The following ASTN2 variants were observed in gnomAD, a reference collection of about 807,000 sequenced individuals.
ASTN2 encodes the protein astrotactin-2.
In ASTN2, 54 loss-of-function variants were observed where a neutral mutation model predicts 139.8. The observed-to-expected ratio is 0.39, with a 90% CI of 0.31 to 0.48. The LOEUF is 0.48. Among genes scored for constraint, ASTN2 ranks in the 20% least tolerant of loss-of-function variants. The pLI is 0.95. For missense variants in ASTN2, 1,565 were observed against 1,725.1 expected (o/e 0.91, Z 1.64); for synonymous variants, 756 against 719.5 (o/e 1.05, Z -0.81).
intron 19 of ASTN2, among the ~76,000 whole-genome samples, chr9:116,537,293 A>C (rs77149201): frequency 6.6e-6 from 1 of 152,106 alleles, no homozygotes; most frequent in African/African-American, 2.4e-5. Flanking sequence ...AAATTTCTAT[A>C]ATTTTTTTCT....
chr9:117,128,163 A>G (rs1318830224), intron 4 of ASTN2, among the ~76,000 whole-genome samples: 1 of 151,996 alleles, frequency 6.6e-6, no homozygotes, highest in African/African-American at 2.4e-5. Context: ...AGTCCATCAG[A>G]AATCAGGGTC....
chr9:117,395,296 A>T (rs1201977332), intron 1 of ASTN2, among the ~76,000 whole-genome samples: 1 of 152,208 alleles, frequency 6.6e-6, no homozygotes, highest in Non-Finnish European at 1.5e-5. Context: ...AGAATTGGAT[A>T]GAAGAAAGGA....
intron 2 of ASTN2, among the ~76,000 whole-genome samples, chr9:117,220,319 C>T (rs2133035281): frequency 6.6e-6 from 1 of 152,188 alleles, no homozygotes; most frequent in South Asian, 2.1e-4. Context: ...CCTCACCTGT[C>T]CTACTTGTCC....
chr9:117,075,153 C>T (rs1487209367), intron 5 of ASTN2, among the ~76,000 whole-genome samples: 3 of 152,208 alleles, frequency 2.0e-5, no homozygotes, highest in African/African-American at 4.8e-5. Flanking sequence ...CCCTGCCCTC[C>T]TATTTTTAAT....
At chr9:117,233,033 C>A (rs1832944042) in intron 2 of ASTN2, among the ~76,000 whole-genome samples, 1 of 152,066 alleles carries the variant, frequency 6.6e-6, no homozygotes, top group Admixed American at 6.5e-5. Context: ...TCTGGAGCTC[C>A]TCTCTTTGCT....
chr9:117,139,057 A>G (rs546383472), intron 4 of ASTN2, among the ~76,000 whole-genome samples: 70 of 152,238 alleles, frequency 4.6e-4, no homozygotes, highest in African/African-American at 1.6e-3. Context: ...TGAAGGGAGG[A>G]AAGGCTATAG....
In ASTN2 at chr9:116,824,473, C is replaced by T. The variant is rs59650557; in HGVS notation, c.2041-3690G>A. On this transcript the variant is annotated intron_variant, in intron 11 of 22. Coordinates refer to ENST00000313400, the MANE Select transcript of ASTN2 (RefSeq NM_001365068.1). ...AGAGTCTTATGTGGCAAGGAAGTAA[C>T]ACCTCTGGCCAACAGCCAGTAAGGC... Among the ~76,000 whole-genome samples, 359 of 152,210 alleles carry T rather than the reference C, an allele frequency of 2.4e-3. 2 individuals carry two copies. The highest frequency in any genetic ancestry group is 8.0e-3 in the African/African-American group (333 of 41,544).
intron 20 of ASTN2, among the ~76,000 whole-genome samples, chr9:116,482,050 G>A (rs2119060844): frequency 6.6e-6 from 1 of 152,288 alleles, no homozygotes; most frequent in African/African-American, 2.4e-5. Flanking sequence ...TACCCGGCCG[G>A]GCACAGTGGC....
chr9:116,896,862 C>T (rs1833891809), intron 10 of ASTN2, among the ~76,000 whole-genome samples: 1 of 152,174 alleles, frequency 6.6e-6, no homozygotes, highest in Non-Finnish European at 1.5e-5. Context: ...TCACCTTCCT[C>T]CCTTGACACA....
chr9:116,550,173 A>C (rs1237629944), intron 19 of ASTN2, among the ~76,000 whole-genome samples: 1 of 152,198 alleles, frequency 6.6e-6, no homozygotes, highest in Non-Finnish European at 1.5e-5. Context: ...CTTTTATCTC[A>C]GACCACAAAA....
chr9:116,914,308 A>C (rs1834387035), intron 10 of ASTN2, among the ~76,000 whole-genome samples: 2 of 152,018 alleles, frequency 1.3e-5, no homozygotes, highest in East Asian at 3.9e-4. Context: ...CCAGTGCTTC[A>C]TCTGCAAAAT....
chr9:116,553,950 A>C (rs1320740611), intron 19 of ASTN2, among the ~76,000 whole-genome samples: 1 of 152,236 alleles, frequency 6.6e-6, no homozygotes, highest in Non-Finnish European at 1.5e-5. Flanking sequence ...TTGTTCAGTG[A>C]GCATTGAACG....
intron 4 of ASTN2, among the ~76,000 whole-genome samples, chr9:117,123,510 G>A (rs1206745328): frequency 6.6e-6 from 1 of 152,094 alleles, no homozygotes; most frequent in African/African-American, 2.4e-5. Context: ...GTGAAGTACA[G>A]TTAGATAACA....
intron 16 of ASTN2, chr9:116,686,583 C>CA: frequency 1.8e-6 from 2 of 1,099,104 alleles, no homozygotes; most frequent in Non-Finnish European, 2.7e-6. Context: ...TCGTCCTTGC[C>CA]AGATGCCTAG....
At chr9:116,580,209 A>G (rs769595328) in intron 19 of ASTN2, among the ~76,000 whole-genome samples, 4 of 152,226 alleles carry the variant, frequency 2.6e-5, no homozygotes, top group Admixed American at 2.6e-4. Flanking sequence ...CTCAGAGGAA[A>G]TACACTGGAT....
chr9:116,512,691 T>C (rs914913808), intron 19 of ASTN2, among the ~76,000 whole-genome samples: 6 of 152,224 alleles, frequency 3.9e-5, no homozygotes, highest in African/African-American at 9.6e-5. Context: ...TGCTCCTATA[T>C]TGGGTGCATG....
chr9:116,532,501 T>C (rs920296338), intron 19 of ASTN2, among the ~76,000 whole-genome samples: 4 of 152,156 alleles, frequency 2.6e-5, no homozygotes, highest in East Asian at 1.9e-4. Context: ...TTAGGTCTAA[T>C]ATTTAAGTCT....
At chr9:116,869,062 G>A (rs1177464731) in intron 10 of ASTN2, among the ~76,000 whole-genome samples, 9 of 152,094 alleles carry the variant, frequency 5.9e-5, no homozygotes, top group Non-Finnish European at 1.3e-4. Flanking sequence ...GTGGGTGCCT[G>A]TAATCCCAGC....
chr9:117,234,630 A>G (rs1003768696), intron 2 of ASTN2, among the ~76,000 whole-genome samples: 1 of 152,208 alleles, frequency 6.6e-6, no homozygotes, highest in Non-Finnish European at 1.5e-5. Context: ...AAAGCCATAA[A>G]AGAGGCGCTG....
Sources: allele counts gnomAD v4.1 joint callset (sites outside exome capture counted in the v4.1 genomes callset), GRCh38; gene constraint gnomAD v4.1.1; transcripts MANE v1.5; gene names NCBI Gene and HGNC (gene_info 2026-07-23, HGNC 2026-07-21).